NBEA: variants seen among roughly 807,000 people sequenced by gnomAD.
NBEA encodes the protein neurobeachin.
In NBEA, 44 loss-of-function variants were observed where a neutral mutation model predicts 343.4. The observed-to-expected ratio is 0.13, with a 90% CI of 0.10 to 0.16. NBEA has a LOEUF of 0.16. NBEA is among the 10% of genes least tolerant of loss of function. The pLI is 1.00. For missense variants in NBEA, 2,555 were observed against 3,631.3 expected (o/e 0.70, Z 7.62); for synonymous variants, 1,175 against 1,238.7 (o/e 0.95, Z 1.08).
At chr13:35,432,438 G>A in intron 39 of NBEA, 45 bp downstream of exon 39, 2 of 1,477,044 alleles carry the variant, frequency 1.4e-6, no homozygotes, top group Non-Finnish European at 1.8e-6. Flanking sequence ...TGGATGTGAG[G>A]TGACTCCTTG....
intron 1 of NBEA, among the ~76,000 whole-genome samples, chr13:35,009,527 A>G (rs1038551594): frequency 6.6e-6 from 1 of 152,144 alleles, no homozygotes; most frequent in African/African-American, 2.4e-5. Flanking sequence ...TGTCCAAGCA[A>G]GAGTATGGCT....
intron 31 of NBEA, among the ~76,000 whole-genome samples, chr13:35,198,492 C>T (rs2152743679): frequency 6.6e-6 from 1 of 152,198 alleles, no homozygotes; most frequent in East Asian, 1.9e-4. Flanking sequence ...AAAAAGCAGT[C>T]ACCTGAGTGC....
At chr13:35,477,836 GA>G (rs935568363) in intron 41 of NBEA, among the ~76,000 whole-genome samples, 6 of 152,168 alleles carry the variant, frequency 3.9e-5, no homozygotes, top group Non-Finnish European at 7.4e-5. Flanking sequence ...AAACAAAAAT[GA>G]AATAAATCAT....
intron 1 of NBEA, among the ~76,000 whole-genome samples, chr13:34,983,141 A>C (rs896751120): frequency 6.6e-6 from 1 of 152,090 alleles, no homozygotes; most frequent in Non-Finnish European, 1.5e-5. Context: ...CATTTACATT[A>C]GGTATTTCTC....
At chr13:35,091,727 A>T (rs1364293652) in intron 10 of NBEA, among the ~76,000 whole-genome samples, 2 of 152,004 alleles carry the variant, frequency 1.3e-5, no homozygotes, top group Non-Finnish European at 2.9e-5. Flanking sequence ...CTGAGATATA[A>T]ATTTCACAAA....
chr13:35,160,858 T>G (rs1252789630), intron 22 of NBEA, among the ~76,000 whole-genome samples: 1 of 152,164 alleles, frequency 6.6e-6, no homozygotes, highest in Non-Finnish European at 1.5e-5. Flanking sequence ...GTTGAAGAAA[T>G]AAGAATACAT....
At chr13:35,381,010 G>C (rs1040124764) in intron 38 of NBEA, among the ~76,000 whole-genome samples, 2 of 151,922 alleles carry the variant, frequency 1.3e-5, no homozygotes, top group African/African-American at 4.8e-5. Flanking sequence ...TTTTTAATAT[G>C]CTTTTTCTTT....
chr13:34,968,023 A>G (rs1370214761), intron 1 of NBEA, among the ~76,000 whole-genome samples: 1 of 152,104 alleles, frequency 6.6e-6, no homozygotes, highest in Non-Finnish European at 1.5e-5. Context: ...AGGTTCCCAC[A>G]ACTTCCCTCA....
At chr13:35,608,657 C>T (rs1001646978) in intron 48 of NBEA, among the ~76,000 whole-genome samples, 5 of 152,152 alleles carry the variant, frequency 3.3e-5, no homozygotes, top group Middle Eastern at 3.2e-3. Flanking sequence ...AGCATATAGT[C>T]TATTAAGTCC....
chr13:35,180,044 T>A (rs1056594269), intron 28 of NBEA, among the ~76,000 whole-genome samples: 4 of 151,838 alleles, frequency 2.6e-5, no homozygotes, highest in Admixed American at 2.0e-4. Flanking sequence ...TTAGCCAGAC[T>A]GTTTTACAAT....
At position 34,972,159 on chromosome 13, in the gene NBEA, T is replaced by G. The variant is rs187450551; in HGVS notation, c.294+29045T>G. On this transcript the variant is annotated intron_variant, in intron 1 of 58. Coordinates refer to ENST00000379939, the MANE Select transcript of NBEA (RefSeq NM_001385012.1). Reference sequence around the variant, plus strand: ...TGTTTATAATATTCTCCGATGGTTGTTTGTGTTTCTGTGGAGTATTCCCCT... The same window carrying G: ...TGTTTATAATATTCTCCGATGGTTGGTTGTGTTTCTGTGGAGTATTCCCCT... Among the ~76,000 whole-genome samples, 195 of 152,284 alleles carry G rather than the reference T, an allele frequency of 1.3e-3. 2 individuals carry two copies. The highest frequency in any genetic ancestry group is 0.011 in the South Asian group (55 of 4,826).
At chr13:35,471,399 G>A (rs1453910671) in intron 40 of NBEA, among the ~76,000 whole-genome samples, 3 of 152,178 alleles carry the variant, frequency 2.0e-5, no homozygotes, top group African/African-American at 7.2e-5. Context: ...GCATCTGACT[G>A]TATGCATTTG....
At chr13:35,003,822 G>A (rs2061226805) in intron 1 of NBEA, among the ~76,000 whole-genome samples, 1 of 152,026 alleles carries the variant, frequency 6.6e-6, no homozygotes. Flanking sequence ...TGCTGGATGT[G>A]CAGGTTTGTT....
intron 44 of NBEA, among the ~76,000 whole-genome samples, chr13:35,564,618 G>T (rs2080043605): frequency 6.6e-6 from 1 of 152,056 alleles, no homozygotes; most frequent in African/African-American, 2.4e-5. Flanking sequence ...GCAGATTATT[G>T]TCATGTCAAA....
intron 53 of NBEA, among the ~76,000 whole-genome samples, chr13:35,652,941 A>T (rs370050007): frequency 6.6e-6 from 1 of 150,406 alleles, no homozygotes; most frequent in East Asian, 2.0e-4. Context: ...TGATCTGCCC[A>T]TCTCTGCCTC....
chr13:35,232,428 TA>T, intron 33 of NBEA, 63 bp from the exon 34 acceptor site: 1 of 1,106,160 alleles, frequency 9.0e-7, no homozygotes. Context: ...AATTTAGAAG[TA>T]AAGTTTATTT....
intron 39 of NBEA, among the ~76,000 whole-genome samples, chr13:35,449,840 A>G (rs1371505637): frequency 1.3e-5 from 2 of 152,138 alleles, no homozygotes; most frequent in African/African-American, 4.8e-5. Context: ...TCATAATACT[A>G]TTTGTCTCTG....
At chr13:35,314,605 A>C (rs1184643390) in intron 36 of NBEA, among the ~76,000 whole-genome samples, 1 of 152,076 alleles carries the variant, frequency 6.6e-6, no homozygotes, top group Non-Finnish European at 1.5e-5. Context: ...TCCATATGTT[A>C]ATTCTACTGA....
chr13:35,351,464 G>GT (rs1273028359), intron 37 of NBEA, among the ~76,000 whole-genome samples: 1 of 151,878 alleles, frequency 6.6e-6, no homozygotes, highest in African/African-American at 2.4e-5. Flanking sequence ...GCTAACAAAT[G>GT]TAAGAATGAA....
Sources: gnomAD v4.1 joint callset for allele counts (sites outside exome capture counted in the v4.1 genomes callset) on GRCh38, gnomAD v4.1.1 for gene constraint, MANE v1.5 for transcripts, NCBI Gene and HGNC (gene_info 2026-07-23, HGNC 2026-07-21) for gene names.